TBC1D30: variants seen among roughly 807,000 people sequenced by gnomAD.
TBC1D30 encodes TBC1 domain family member 30, also known as TBC1 domain family, member 30.
Under a neutral mutation model 63.2 loss-of-function variants are expected in TBC1D30, and 31 were observed. The observed-to-expected ratio is 0.49, with a 90% CI of 0.37 to 0.66. The LOEUF is 0.66. TBC1D30 is among the 30% of genes least tolerant of loss of function. The pLI is 0.00. For missense variants in TBC1D30, 810 were observed against 953.6 expected (o/e 0.85, Z 1.98); for synonymous variants, 307 against 361.5 (o/e 0.85, Z 1.71).
intron 2 of TBC1D30, among the ~76,000 whole-genome samples, chr12:64,792,747 A>T (rs1025192343): frequency 6.6e-6 from 1 of 151,374 alleles, no homozygotes; most frequent in African/African-American, 2.4e-5. Context: ...ATTTTTTTTT[A>T]ATTTTTAGTA....
chr12:64,819,406 C>CTTTT (rs55757950), intron 2 of TBC1D30, among the ~76,000 whole-genome samples: 6 of 77,992 alleles, frequency 7.7e-5, no homozygotes, highest in South Asian at 5.6e-4. Flanking sequence ...GAAGGAACTA[C>CTTTT]TTTTTTTTTT....
At chr12:64,819,161 C>T (rs1873733675) in intron 2 of TBC1D30, among the ~76,000 whole-genome samples, 1 of 152,164 alleles carries the variant, frequency 6.6e-6, no homozygotes. Flanking sequence ...ACAAAAGCTA[C>T]ACCTGATTGT....
At chr12:64,780,210 T>G (rs1871196110), upstream of TBC1D30, among the ~76,000 whole-genome samples, 4 of 152,028 alleles carry the variant, frequency 2.6e-5, no homozygotes, top group Admixed American at 2.6e-4. Flanking sequence ...GTGTTCAGAG[T>G]TTTAGAAAGC....
chr12:64,761,546 C>T (rs1382156154), intron 1 of TBC1D30, among the ~76,000 whole-genome samples: 1 of 152,150 alleles, frequency 6.6e-6, no homozygotes, highest in Non-Finnish European at 1.5e-5. Flanking sequence ...CGACTAAAAC[C>T]CACCAAAACC....
chr12:64,866,159 G>A (rs149496436), intron 9 of TBC1D30, among the ~76,000 whole-genome samples: 3 of 152,242 alleles, frequency 2.0e-5, no homozygotes, highest in African/African-American at 4.8e-5. Context: ...GAGCCACTGT[G>A]CCCAGCCCGT....
At chr12:64,797,768 T>C (rs1269733787) in intron 2 of TBC1D30, among the ~76,000 whole-genome samples, 4 of 152,184 alleles carry the variant, frequency 2.6e-5, no homozygotes, top group Admixed American at 6.5e-5. Flanking sequence ...CCCACCTGTA[T>C]AGGTGGCATT....
chr12:64,861,052 C>G (rs1004041818), intron 8 of TBC1D30, among the ~76,000 whole-genome samples: 5 of 152,180 alleles, frequency 3.3e-5, no homozygotes, highest in African/African-American at 1.2e-4. Context: ...GGAGAAGGAA[C>G]CACTTTGACA....
At chr12:64,790,729 T>C (rs1436844740) in intron 2 of TBC1D30, among the ~76,000 whole-genome samples, 2 of 152,232 alleles carry the variant, frequency 1.3e-5, no homozygotes, top group Middle Eastern at 6.3e-3. Context: ...TGGTAGAGAC[T>C]GATGGTTTGT....
chr12:64,823,389 T>C (rs1874012662), upstream of TBC1D30, among the ~76,000 whole-genome samples: 1 of 152,234 alleles, frequency 6.6e-6, no homozygotes, highest in Non-Finnish European at 1.5e-5. Context: ...TCTTATGCTA[T>C]AAGTGGGATA....
chr12:64,875,760 G>A lies in TBC1D30; in HGVS notation c.2258G>A (p.Gly753Asp), dbSNP rs1180518486. 2.0e-6 allele frequency: 3 copies of A among 1,531,272 alleles called. No homozygotes were observed. Among genetic ancestry groups the A allele is most frequent in the Non-Finnish European group, 2.6e-6 (3 of 1,144,962 alleles). 94.9% of individuals were successfully genotyped at this position (1,531,272 alleles called of 1,614,324 possible). A position where few individuals can be genotyped will look rare whatever the true frequency, so the allele number is the denominator to read the frequency against. Residue 753 changes from glycine to aspartate, a missense_variant, in exon 12 of 12, where the codon GGT becomes GAT. Gly to Asp is a moderately conservative substitution (Grantham distance 94). Coordinates refer to ENST00000539867, the MANE Select transcript of TBC1D30 (RefSeq NM_015279.2). ...QMSRSFSKPG[G>D]GNSGTKKR ...AGTAGGAGCTTCAGCAAACCCGGCG[G>A]TGGAAACAGTGGCACTAAAAAACGA...
intron 8 of TBC1D30, among the ~76,000 whole-genome samples, chr12:64,850,925 G>A (rs539372240): frequency 5.9e-5 from 9 of 151,898 alleles, no homozygotes; most frequent in Non-Finnish European, 1.3e-4. Context: ...TGGTTGGTAG[G>A]CTATTACTGC....
chr12:64,783,141 T>G (rs1871376581), intron 1 of TBC1D30, among the ~76,000 whole-genome samples: 1 of 152,154 alleles, frequency 6.6e-6, no homozygotes. Flanking sequence ...TGCCAGGGAT[T>G]TTGCTGTAGC....
At chr12:64,872,190 G>A (rs754032878) in intron 11 of TBC1D30, among the ~76,000 whole-genome samples, 1 of 152,102 alleles carries the variant, frequency 6.6e-6, no homozygotes, top group Non-Finnish European at 1.5e-5. Context: ...ACCATGCCTG[G>A]CTGATTCTTG....
chr12:64,798,775 C>A (rs1408693978), intron 2 of TBC1D30, among the ~76,000 whole-genome samples: 1 of 150,126 alleles, frequency 6.7e-6, no homozygotes, highest in African/African-American at 2.5e-5. Context: ...TGGGCCTCAG[C>A]ATCTGCCAGG....
chr12:64,814,027 A>G (rs919865685), intron 2 of TBC1D30, among the ~76,000 whole-genome samples: 7 of 152,088 alleles, frequency 4.6e-5, no homozygotes, highest in African/African-American at 1.4e-4. Flanking sequence ...GGAGAAGTGT[A>G]CCATTTGGAA....
upstream of TBC1D30, among the ~76,000 whole-genome samples, chr12:64,820,284 C>T (rs1592588691): frequency 2.0e-5 from 3 of 152,140 alleles, no homozygotes; most frequent in African/African-American, 7.2e-5. Flanking sequence ...ACTTCTTCCC[C>T]CTTCTCCCAT....
intron 1 of TBC1D30, among the ~76,000 whole-genome samples, chr12:64,764,407 T>C (rs919415476): frequency 2.0e-5 from 3 of 152,226 alleles, no homozygotes; most frequent in African/African-American, 7.2e-5. Context: ...CATCATGACC[T>C]CTGAAGTGTA....
chr12:64,820,414 G>A (rs1873821680), upstream of TBC1D30, among the ~76,000 whole-genome samples: 2 of 152,152 alleles, frequency 1.3e-5, no homozygotes, highest in Admixed American at 6.5e-5. Flanking sequence ...ATCTGTGGGG[G>A]ATGTCCTCAG....
chr12:64,842,231 TG>T (rs1875945546), intron 7 of TBC1D30, among the ~76,000 whole-genome samples: 1 of 152,000 alleles, frequency 6.6e-6, no homozygotes, highest in Non-Finnish European at 1.5e-5. Context: ...TGGTGGTGGG[TG>T]CCTGTAACCT....
Sources: gnomAD v4.1 joint callset for allele counts (sites outside exome capture counted in the v4.1 genomes callset) on GRCh38, gnomAD v4.1.1 for gene constraint, MANE v1.5 for transcripts, NCBI Gene and HGNC (gene_info 2026-07-23, HGNC 2026-07-21) for gene names.